Variants in TSPY2 observed in about 807,000 individuals in gnomAD.
The protein encoded by TSPY2 is testis-specific Y-encoded protein 2.
intron 1 of TSPY2, 120 bp from the exon 2 acceptor site, chrY:6,247,233 AAGG>A (rs2053862783): frequency 6.1e-6 from 1 of 163,252 alleles, no homozygotes; most frequent in Non-Finnish European, 1.1e-5. Flanking sequence ...GGGGAGGCGA[AAGG>A]AGATCATACA....
intron 1 of TSPY2, among the ~76,000 whole-genome samples, chrY:6,246,973 G>A (rs2053862693): frequency 4.0e-5 from 1 of 24,851 alleles, no homozygotes; most frequent in Non-Finnish European, 9.2e-5. Context: ...GACGTTTGGG[G>A]CATCTTTTTG....
chrY:6,246,853 G>A, intron 1 of TSPY2, 99 bp downstream of exon 1: 1 of 371,261 alleles, frequency 2.7e-6, no homozygotes, highest in South Asian at 3.2e-5. Context: ...TGACTCTTTG[G>A]GGAACAAAGG....
At chrY:6,247,335 A>G in intron 1 of TSPY2, 21 bp from the exon 2 acceptor site, 1 of 396,934 alleles carries the variant, frequency 2.5e-6, no homozygotes, top group South Asian at 3.0e-5. Flanking sequence ...CTTCCATTAA[A>G]GTCTCTTTGA....
chrY:6,247,006 C>T, intron 1 of TSPY2, among the ~76,000 whole-genome samples: 1 of 16,961 alleles, frequency 5.9e-5, no homozygotes, highest in Non-Finnish European at 1.3e-4. Flanking sequence ...GAGTTCAGAG[C>T]GGAAGAGGTT....
rs2053861024 is a variant in TSPY2, at chrY:6,246,345, C to T, written c.77C>T (p.Ala26Val). ...RQGSCGVGRA[A>V]QALVCASAKE... ...GGTTCCTGTGGCGTGGGTCGGGCAG[C>T]ACAGGCCTTGGTGTGTGCGAGTGCC... The change falls in exon 1 of 6, where the codon GCA becomes GTA. Residue 26 changes from alanine (A) to valine (V), a missense_variant. By Grantham distance (64) the Ala-to-Val change is moderately conservative. Coordinates refer to ENST00000320701, the MANE Select transcript of TSPY2 (RefSeq NM_022573.4). 1 of 393,151 alleles carries T rather than the reference C, an allele frequency of 2.5e-6. No individual in the cohort carries two copies. Among genetic ancestry groups the T allele is most frequent in the Non-Finnish European group, 3.5e-6 (1 of 282,928 alleles).
intron 1 of TSPY2, 38 bp from the exon 2 acceptor site, chrY:6,247,317 CG>C (rs1275536254): frequency 1.8e-5 from 7 of 391,535 alleles, no homozygotes; most frequent in Non-Finnish European, 2.5e-5. Context: ...TGTTGCTCCT[CG>C]CTTTCCCTTC....
intron 1 of TSPY2, among the ~76,000 whole-genome samples, 166 bp downstream of exon 1, chrY:6,246,920 G>T (rs1602996537): frequency 6.4e-5 from 2 of 31,187 alleles, no homozygotes; most frequent in African/African-American, 2.6e-4. Flanking sequence ...GGGTACTATT[G>T]TCCTGCATGC....
intron 1 of TSPY2, among the ~76,000 whole-genome samples, chrY:6,246,959 A>C: frequency 3.7e-5 from 1 of 27,158 alleles, no homozygotes; most frequent in Non-Finnish European, 8.6e-5. Context: ...GATGCCGAGC[A>C]GCAGACGTTT....
chrY:6,247,910 A>G lies in TSPY2; in HGVS notation c.812A>G (p.Lys271Arg). ...GACCACAACTTCGCAGGATCTAACA[A>G]GATTGCTGAGGTGAGTCCTCACTGG... ...FSDHNFAGSN[K>R]IAEILCKDLW... The change falls in exon 4 of 6, where the codon AAG (lysine) becomes AGG (arginine). Residue 271 changes from lysine (K) to arginine (R), a missense_variant. Lys to Arg is a conservative substitution (Grantham distance 26). Transcript: ENST00000320701. 1 of 165,455 alleles carries G rather than the reference A, an allele frequency of 6.0e-6. No homozygotes were observed. The highest frequency in any genetic ancestry group is 2.1e-4 in the African/African-American group (1 of 4,680). The allele number at this position is 165,455 out of a possible 400,897, so 41.3% of individuals were successfully genotyped here. A position where few individuals can be genotyped will look rare whatever the true frequency, so the allele number is the denominator to read the frequency against.
Position 6,246,272 on chromosome Y carries a change from C to T in TSPY2, c.4C>T (p.Arg2Cys). The T allele has an allele frequency of 2.5e-6, 1 of 394,417 alleles. No individual in the cohort carries two copies. The highest frequency in any genetic ancestry group is 9.2e-5 in the East Asian group (1 of 10,825). The change falls in exon 1 of 6, where the codon CGC (arginine) becomes TGC (cysteine). Residue 2 changes from arginine (R) to cysteine (C), a missense_variant. Physicochemically the swap from Arg to Cys is radical, Grantham distance 180. Transcript: ENST00000320701. M[R>C]PEGSLTYRVP... ...GGGGCGCCTGGAAGCCCGGCGCATG[C>T]GCCCTGAGGGCTCGCTGACCTACCG...
chrY:6,247,354 A>G lies in TSPY2; in HGVS notation c.487-2A>G, dbSNP rs2053863115. 1 of 392,151 alleles carries G rather than the reference A, an allele frequency of 2.6e-6. No homozygotes were observed. The highest frequency in any genetic ancestry group is 3.5e-6 in the Non-Finnish European group (1 of 281,985). ...CATTAAAGTCTCTTTGACCTAAATCAGATTGCAAACCACCCCCAGATGTCA... is the reference window on the plus strand; with the variant it reads ...CATTAAAGTCTCTTTGACCTAAATCGGATTGCAAACCACCCCCAGATGTCA... On this transcript the variant is annotated splice_acceptor_variant, in intron 1 of 5. Coordinates refer to ENST00000320701, the MANE Select transcript of TSPY2 (RefSeq NM_022573.4). LOFTEE classifies it high-confidence loss of function.
chrY:6,246,870 G>A, intron 1 of TSPY2, 116 bp downstream of exon 1: 2 of 383,457 alleles, frequency 5.2e-6, no homozygotes, highest in Admixed American at 8.0e-5. Context: ...AAGGGGAGTT[G>A]CCACGGACCA....
intron 1 of TSPY2, among the ~76,000 whole-genome samples, chrY:6,246,977 C>G: frequency 1.7e-4 from 4 of 24,132 alleles, no homozygotes; most frequent in Admixed American, 1.6e-3. Context: ...TTTGGGGCAT[C>G]TTTTTGAAGA....
Sources: gnomAD v4.1 joint callset for allele counts (sites outside exome capture counted in the v4.1 genomes callset) on GRCh38, gnomAD v4.1.1 for gene constraint, MANE v1.5 for transcripts, NCBI Gene and HGNC (gene_info 2026-07-23, HGNC 2026-07-21) for gene names.